ESR1: variants seen among roughly 807,000 people sequenced by gnomAD.
The protein encoded by ESR1 is estrogen receptor 1.
In ESR1, 12 loss-of-function variants were observed where a neutral mutation model predicts 52.7. The observed-to-expected ratio is 0.23, with a 90% CI of 0.15 to 0.37. The LOEUF is 0.37. ESR1 is among the 10% of genes least tolerant of loss of function. The probability of loss-of-function intolerance (pLI) is 1.00; values close to 1 mark genes in which losing one functional copy is unlikely to be tolerated. For missense variants in ESR1, 584 were observed against 779.7 expected (o/e 0.75, Z 2.99); for synonymous variants, 305 against 316.8 (o/e 0.96, Z 0.39).
intron 6 of ESR1, among the ~76,000 whole-genome samples, chr6:152,071,623 C>T (rs866299211): frequency 1.3e-5 from 2 of 152,074 alleles, no homozygotes; most frequent in South Asian, 2.1e-4. Context: ...ATTCTCCATC[C>T]GTACTGTGTA....
intron 2 of ESR1, among the ~76,000 whole-genome samples, chr6:151,752,248 C>T (rs1783954442): frequency 6.6e-6 from 1 of 151,974 alleles, no homozygotes; most frequent in Non-Finnish European, 1.5e-5. Flanking sequence ...TTAATGTAGC[C>T]TTTTAAAAAA....
In ESR1 at chr6:152,094,441, C is replaced by T. The variant is rs1235183085; in HGVS notation, c.1426C>T (p.His476Tyr). The T allele has an allele frequency of 1.9e-6, 3 of 1,613,978 alleles. No homozygotes were observed. The highest frequency in any genetic ancestry group is 2.5e-6 in the Non-Finnish European group (3 of 1,179,964). ...LKSLEEKDHI[H>Y]RVLDKITDTL... ...GTCTCTGGAAGAGAAGGACCATATC[C>T]ACCGAGTCCTGGACAAGATCACAGA... Residue 476 changes from histidine (H) to tyrosine (Y), a missense_variant, in exon 7 of 8, where the codon CAC becomes TAC. Physicochemically the swap from His to Tyr is moderately conservative, Grantham distance 83. This residue lies in a region of ESR1 where 141 missense variants were observed against 289.3 expected (regional missense o/e 0.49). Transcript: ENST00000206249. The surrounding 1 kb of genome is among the most constrained non-coding windows in gnomAD (Gnocchi z 4.6).
At chr6:151,777,123 CTT>C (rs768370394) in intron 2 of ESR1, among the ~76,000 whole-genome samples, 1 of 133,542 alleles carries the variant, frequency 7.5e-6, no homozygotes, top group African/African-American at 2.9e-5. Flanking sequence ...CTTTTCTTTT[CTT>C]TTTTTTTTTG....
intron 2 of ESR1, among the ~76,000 whole-genome samples, chr6:151,744,491 G>C (rs1212354672): frequency 6.6e-6 from 1 of 152,038 alleles, no homozygotes; most frequent in Non-Finnish European, 1.5e-5. Flanking sequence ...ATCTTTTCAG[G>C]CATATTGGCC....
intron 6 of ESR1, among the ~76,000 whole-genome samples, chr6:152,090,270 A>C (rs2050075635): frequency 6.6e-6 from 1 of 152,206 alleles, no homozygotes; most frequent in Non-Finnish European, 1.5e-5. Context: ...GCTGAGTGGC[A>C]GCTTTCTGGT....
intron 5 of ESR1, among the ~76,000 whole-genome samples, chr6:152,048,351 G>A (rs1172167119): frequency 8.1e-6 from 1 of 123,362 alleles, no homozygotes; most frequent in Admixed American, 1.0e-4. Flanking sequence ...GACAAAGTGT[G>A]ACACCATCTC....
chr6:152,114,887 T>G, intron 6 of ESR1, among the ~76,000 whole-genome samples: 1 of 76,246 alleles, frequency 1.3e-5, no homozygotes, highest in African/African-American at 6.1e-5. Flanking sequence ...CTAGACTCCG[T>G]CTCAAAAAAA....
downstream of ESR1, among the ~76,000 whole-genome samples, chr6:152,103,850 G>A (rs151245862): frequency 5.1e-4 from 77 of 152,192 alleles, no homozygotes; most frequent in Admixed American, 7.8e-4. Flanking sequence ...AGCTACCTGC[G>A]TGCTTCCTTT....
chr6:151,956,666 C>T (rs2036945665), intron 4 of ESR1, among the ~76,000 whole-genome samples: 1 of 151,648 alleles, frequency 6.6e-6, no homozygotes, highest in South Asian at 2.1e-4. Context: ...TTAGCATAGG[C>T]TAAAGAAGTG....
chr6:151,816,590 A>G (rs994376498), intron 1 of ESR1, among the ~76,000 whole-genome samples: 4 of 152,184 alleles, frequency 2.6e-5, no homozygotes, highest in African/African-American at 9.7e-5. Flanking sequence ...ATGTCCCTAT[A>G]TTTGTTTATT....
intron 2 of ESR1, among the ~76,000 whole-genome samples, chr6:151,745,481 G>T (rs1303762059): frequency 2.0e-5 from 3 of 152,042 alleles, no homozygotes; most frequent in African/African-American, 7.2e-5. Flanking sequence ...AGCATCATTT[G>T]GAAGACAACA....
chr6:152,029,379 G>A (rs1224702741), intron 5 of ESR1, among the ~76,000 whole-genome samples: 5 of 152,154 alleles, frequency 3.3e-5, no homozygotes, highest in Non-Finnish European at 7.3e-5. Flanking sequence ...CGGCAAAGAA[G>A]TTAAAAACCT....
rs1777783408 is a variant in ESR1, at chr6:151,665,367, T to C, written n.73+8604T>C. ...TTTTAGAAGTGTTTGTCACGACCTC[T>C]AAATCATTGTTAATTTCATCGTTAA... On this transcript the variant is annotated intron_variant and non_coding_transcript_variant, in intron 1 of 2. Transcript: ENST00000473497. 1.3e-5 allele frequency among the ~76,000 whole-genome samples: 2 copies of C among 152,220 alleles called. 1 individual carries two copies. Among genetic ancestry groups the C allele is most frequent in the South Asian group, 4.1e-4 (2 of 4,828 alleles).
At chr6:151,870,604 G>A (rs1032691371) in intron 2 of ESR1, among the ~76,000 whole-genome samples, 10 of 152,112 alleles carry the variant, frequency 6.6e-5, no homozygotes, top group African/African-American at 2.4e-4. Context: ...CAACTTCTTG[G>A]AGTCTCATTT....
chr6:151,694,713 C>T (rs978452092), intron 1 of ESR1, among the ~76,000 whole-genome samples: 9 of 150,832 alleles, frequency 6.0e-5, no homozygotes, highest in African/African-American at 1.2e-4. Flanking sequence ...CTTGAACCCG[C>T]GAAGTGGAGG....
chr6:152,084,574 A>G (rs1285651028), intron 6 of ESR1, among the ~76,000 whole-genome samples: 2 of 152,150 alleles, frequency 1.3e-5, no homozygotes, highest in Non-Finnish European at 1.5e-5. Flanking sequence ...CGTGAAAATG[A>G]ACTCATACAC....
chr6:151,986,865 C>T (rs534327779), intron 4 of ESR1, among the ~76,000 whole-genome samples: 28 of 152,112 alleles, frequency 1.8e-4, no homozygotes, highest in African/African-American at 6.8e-4. Context: ...CTCTGCCTCT[C>T]AGTTTTTGTT....
Position 152,093,330 on chromosome 6 carries a change from A to ATCTCTCTC in ESR1, c.1370-1039_1370-1032dup, listed in dbSNP as rs34340611. The stretch of plus-strand genomic sequence containing the variant: ...CTTGTGACTACTACCTACTACCTGG[A>ATCTCTCTC]TCTCTCTCTCTCTCTCTCTCTCTTT... On this transcript the variant is annotated intron_variant, in intron 6 of 7. Transcript: ENST00000206249. Among the ~76,000 whole-genome samples the ATCTCTCTC allele has an allele frequency of 1.3e-4, 16 of 125,888 alleles. 1 individual carries two copies. The highest frequency in any genetic ancestry group is 1.2e-3 in the Admixed American group (16 of 13,234). The allele number at this position is 125,888 out of a possible 152,430, so 82.6% of individuals were successfully genotyped here. A position where few individuals can be genotyped will look rare whatever the true frequency, so the allele number is the denominator to read the frequency against.
intron 2 of ESR1, among the ~76,000 whole-genome samples, chr6:151,732,400 C>T (rs1363047201): frequency 6.6e-6 from 1 of 152,114 alleles, no homozygotes; most frequent in Non-Finnish European, 1.5e-5. Flanking sequence ...TTCCAAAGAA[C>T]TAAGGACTTA....
Sources: allele counts gnomAD v4.1 joint callset (sites outside exome capture counted in the v4.1 genomes callset), GRCh38; gene constraint gnomAD v4.1.1; regional missense constraint gnomAD v4.1.1; non-coding constraint Gnocchi (gnomAD v3.1); transcripts MANE v1.5; gene names NCBI Gene and HGNC (gene_info 2026-07-23, HGNC 2026-07-21).